The following GALNT10 variants were observed in gnomAD, a reference collection of about 807,000 sequenced individuals.
GALNT10 encodes polypeptide N-acetylgalactosaminyltransferase 10, also known as GalNAc transferase 10.
In GALNT10, 41 loss-of-function variants were observed where a neutral mutation model predicts 75.0. The observed-to-expected ratio is 0.55, with a 90% CI of 0.43 to 0.71. GALNT10 has a LOEUF of 0.71. Ranked by LOEUF, GALNT10 falls within the 30% of genes least tolerant of loss-of-function variation. The pLI is 0.00. For missense variants in GALNT10, 727 were observed against 818.5 expected, an observed-to-expected ratio of 0.89 and a Z score of 1.36; for synonymous variants, 302 against 313.0, an observed-to-expected ratio of 0.96 and a Z score of 0.37.
intron 4 of GALNT10, among the ~76,000 whole-genome samples, chr5:154,331,238 A>G (rs1483411262): frequency 1.3e-5 from 2 of 152,096 alleles, no homozygotes; most frequent in Admixed American, 1.3e-4. Flanking sequence ...CTGGTTCTCC[A>G]GTTTTCTTAG....
chr5:154,198,899 G>A (rs1189369615), intron 1 of GALNT10, among the ~76,000 whole-genome samples: 1 of 152,186 alleles, frequency 6.6e-6, no homozygotes, highest in African/African-American at 2.4e-5. Flanking sequence ...TCCTGCCAGG[G>A]CAGCCTAGGT....
rs377709498 is a variant in GALNT10, at chr5:154,245,442, AC to A, written c.160-49371del. 2.6e-3 allele frequency among the ~76,000 whole-genome samples: 401 copies of A among 152,122 alleles called. 2 individuals carry two copies. Among genetic ancestry groups the A allele is most frequent in the African/African-American group, 9.0e-3 (375 of 41,506 alleles). ...GGTACTACCCCTGTAAGCTTGCTCT[AC>A]CCATGTCACAGCTGAGAAAACTAGC... On this transcript the variant is annotated intron_variant, in intron 1 of 11. Coordinates refer to ENST00000297107, the MANE Select transcript of GALNT10 (RefSeq NM_198321.4).
At chr5:154,229,572 CA>C (rs371367712) in intron 1 of GALNT10, among the ~76,000 whole-genome samples, 60 of 143,802 alleles carry the variant, frequency 4.2e-4, no homozygotes, top group Admixed American at 4.8e-4. Context: ...ACTAAAAATA[CA>C]AAAAAAAAAA....
chr5:154,262,826 C>T (rs1333534712), intron 1 of GALNT10, among the ~76,000 whole-genome samples: 1 of 152,072 alleles, frequency 6.6e-6, no homozygotes, highest in Admixed American at 6.6e-5. Flanking sequence ...GAACTAGACC[C>T]CATTTTTATT....
At chr5:154,197,580 T>G (rs1213854017) in intron 1 of GALNT10, among the ~76,000 whole-genome samples, 1 of 152,188 alleles carries the variant, frequency 6.6e-6, no homozygotes, top group Non-Finnish European at 1.5e-5. Flanking sequence ...GCCTATTTTT[T>G]TCCTTCCCTA....
intron 1 of GALNT10, among the ~76,000 whole-genome samples, chr5:154,257,371 T>A (rs1382514702): frequency 1.3e-5 from 2 of 152,226 alleles, no homozygotes; most frequent in Non-Finnish European, 2.9e-5. Flanking sequence ...ATCTTAAAGT[T>A]GAGTTTTAGA....
At chr5:154,297,445 C>T (rs1263884397) in intron 2 of GALNT10, among the ~76,000 whole-genome samples, 1 of 152,184 alleles carries the variant, frequency 6.6e-6, no homozygotes, top group Admixed American at 6.5e-5. Flanking sequence ...TTACAAAAAG[C>T]TTTCAAATAG....
At position 154,190,852 on chromosome 5, in the gene GALNT10, G is replaced by A. The variant is rs1774845594; in HGVS notation, c.-15G>A. ...CGGCGGGGCCGGCGGGGCGCGGCGG[G>A]GCTGACCGGCCCCGATGAGGCGGAA... On this transcript the variant is annotated 5_prime_UTR_variant, in exon 1 of 12. Coordinates refer to ENST00000297107, the MANE Select transcript of GALNT10 (RefSeq NM_198321.4). 1.6e-6 allele frequency: 2 copies of A among 1,249,046 alleles called. No homozygotes were observed. The highest frequency in any genetic ancestry group is 3.4e-5 in the East Asian group (1 of 29,328). 77.4% of individuals were successfully genotyped at this position (1,249,046 alleles called of 1,614,324 possible).
chr5:154,263,614 G>A (rs1299833830), intron 1 of GALNT10, among the ~76,000 whole-genome samples: 1 of 152,170 alleles, frequency 6.6e-6, no homozygotes, highest in African/African-American at 2.4e-5. Flanking sequence ...AAGCTGGGAA[G>A]TCCAGGAGCA....
Position 154,412,923 on chromosome 5 carries a change from C to T in GALNT10, c.1421C>T (p.Thr474Ile), listed in dbSNP as rs143091614. 4.2e-5 allele frequency: 68 copies of T among 1,613,616 alleles called. No homozygotes were observed. The highest frequency in any genetic ancestry group is 5.4e-5 in the Non-Finnish European group (64 of 1,179,740). Residue 474 changes from threonine (T) to isoleucine (I), a missense_variant, in exon 10 of 12, where the codon ACA becomes ATA. By Grantham distance (89) the Thr-to-Ile change is moderately conservative. Transcript: ENST00000297107. The surrounding 1 kb of genome is among the most constrained non-coding windows in gnomAD (Gnocchi z 4.2). ...GTGGGCACAGGGCTGTGTGCAGACACAAAGCACGGGGCCTTGGGCTCCCCA... is the reference window on the plus strand; with the variant it reads ...GTGGGCACAGGGCTGTGTGCAGACATAAAGCACGGGGCCTTGGGCTCCCCA... ...RNVGTGLCAD[T>I]KHGALGSPLR...
chr5:154,255,781 G>A (rs1206789262), intron 1 of GALNT10, among the ~76,000 whole-genome samples: 3 of 151,810 alleles, frequency 2.0e-5, no homozygotes, highest in Non-Finnish European at 4.4e-5. Flanking sequence ...GTTACTAAGG[G>A]GTAGGCCTTG....
chr5:154,348,870 A>G (rs138270133), intron 4 of GALNT10, among the ~76,000 whole-genome samples: 2,515 of 152,264 alleles, frequency 0.017, 35 homozygotes, highest in Non-Finnish European at 0.024. Context: ...CCTTACTGCA[A>G]ACTCTTAGAT....
At chr5:154,240,726 AAGAGTCC>A (rs1389641789) in intron 1 of GALNT10, among the ~76,000 whole-genome samples, 1 of 152,220 alleles carries the variant, frequency 6.6e-6, no homozygotes, top group Non-Finnish European at 1.5e-5. Context: ...GAGCGTTGAT[AAGAGTCC>A]AGTTCCTTGG....
At chr5:154,341,400 T>G (rs1193784444) in intron 4 of GALNT10, among the ~76,000 whole-genome samples, 2 of 152,266 alleles carry the variant, frequency 1.3e-5, no homozygotes, top group Non-Finnish European at 2.9e-5. Flanking sequence ...CCTCCATTCC[T>G]GGGCTTGTTA....
chr5:154,231,796 G>A (rs1165149838), intron 1 of GALNT10, among the ~76,000 whole-genome samples: 1 of 152,310 alleles, frequency 6.6e-6, no homozygotes, highest in South Asian at 2.1e-4. Flanking sequence ...CTACCTCTAT[G>A]TGCCTTTGTA....
intron 1 of GALNT10, among the ~76,000 whole-genome samples, chr5:154,260,128 C>T (rs774317877): frequency 6.6e-6 from 1 of 152,136 alleles, no homozygotes; most frequent in Non-Finnish European, 1.5e-5. Context: ...GCCTAAATGG[C>T]TGTCATGTCA....
intron 1 of GALNT10, among the ~76,000 whole-genome samples, chr5:154,198,933 C>T (rs1303060589): frequency 6.6e-6 from 1 of 152,190 alleles, no homozygotes; most frequent in East Asian, 1.9e-4. Context: ...AACCAGGGCC[C>T]GGAGACCTGT....
intron 3 of GALNT10, among the ~76,000 whole-genome samples, chr5:154,310,855 C>T (rs1482352978): frequency 3.9e-5 from 6 of 152,152 alleles, no homozygotes; most frequent in Non-Finnish European, 8.8e-5. Context: ...GTGTTTCTTC[C>T]ACGATAACAG....
intron 4 of GALNT10, among the ~76,000 whole-genome samples, chr5:154,341,312 C>T (rs1370606341): frequency 6.6e-6 from 1 of 152,182 alleles, no homozygotes; most frequent in Admixed American, 6.5e-5. Flanking sequence ...ATGCAGACCT[C>T]TTCAGAGATG....
Sources: gnomAD v4.1 joint callset for allele counts (sites outside exome capture counted in the v4.1 genomes callset) on GRCh38, gnomAD v4.1.1 for gene constraint, Gnocchi (gnomAD v3.1) non-coding constraint, MANE v1.5 for transcripts, NCBI Gene and HGNC (gene_info 2026-07-23, HGNC 2026-07-21) for gene names.